SPTBN4: variants seen among roughly 807,000 people sequenced by gnomAD.
The protein encoded by SPTBN4 is spectrin beta, non-erythrocytic 4, also known as spectrin beta chain, non-erythrocytic 4.
Under a neutral mutation model 277.8 loss-of-function variants are expected in SPTBN4, and 96 were observed. The ratio of observed to expected loss-of-function variants is 0.35; its 90% CI spans 0.29 to 0.41. SPTBN4 has a LOEUF of 0.41. Ranked by LOEUF, SPTBN4 falls within the 10% of genes least tolerant of loss-of-function variation. SPTBN4 has a pLI of 1.00. For synonymous variants in SPTBN4, 1,481 were observed against 1,580.3 expected, an observed-to-expected ratio of 0.94 and a Z score of 1.49; for missense variants, 3,006 against 3,595.7, an observed-to-expected ratio of 0.84 and a Z score of 4.19.
chr19:40,513,492 G>A lies in SPTBN4; in HGVS notation c.2703G>A (p.Glu901=), dbSNP rs548582475. ...HACELWIGEK[E]QWLLSMRVPD... ...GTGAGCTGTGGATCGGCGAGAAGGA[G>A]CAATGGCTGCTCTCCATGCGTGTGC... Residue 901 remains glutamate, a synonymous_variant, in exon 14 of 36, where the codon GAG becomes GAA. Transcript: ENST00000598249. The A allele has an allele frequency of 1.9e-5, 31 of 1,600,360 alleles. No individual in the cohort carries two copies. In the South Asian group the frequency reaches 3.3e-4, roughly 17 times the overall value.
chr19:40,521,635 GC>G (rs923324041), intron 16 of SPTBN4, among the ~76,000 whole-genome samples: 3 of 152,050 alleles, frequency 2.0e-5, no homozygotes, highest in African/African-American at 7.2e-5. Flanking sequence ...ATGCTCACTC[GC>G]CCCCCCTCCA....
At chr19:40,525,218 T>A (rs2080576248) in intron 17 of SPTBN4, among the ~76,000 whole-genome samples, 1 of 152,142 alleles carries the variant, frequency 6.6e-6, no homozygotes. Flanking sequence ...CAAGGCAGCA[T>A]GCTTCTAAAG....
At chr19:40,525,319 ACT>A (rs1491459757) in intron 17 of SPTBN4, among the ~76,000 whole-genome samples, 1 of 113,012 alleles carries the variant, frequency 8.8e-6, no homozygotes, top group Non-Finnish European at 1.8e-5. Context: ...CCTTTGTTCC[ACT>A]TTTTTTTTTT....
intron 1 of SPTBN4, among the ~76,000 whole-genome samples, chr19:40,472,152 G>A (rs62106996): frequency 0.05 from 7,579 of 151,754 alleles, 226 homozygotes; most frequent in African/African-American, 0.066. Context: ...CAGGTGATCC[G>A]CCCGCCTCTG....
intron 1 of SPTBN4, among the ~76,000 whole-genome samples, chr19:40,471,680 T>C (rs8100100): frequency 0.17 from 26,367 of 152,018 alleles, 2,611 homozygotes; most frequent in African/African-American, 0.25. Context: ...TCAAGCCATC[T>C]TCCTGCCTCA....
At chr19:40,497,069 T>A (rs814535) in intron 6 of SPTBN4, among the ~76,000 whole-genome samples, 22,809 of 117,910 alleles carry the variant, frequency 0.19, 2,465 homozygotes, top group African/African-American at 0.34. Context: ...CGAGACTCCA[T>A]CTCAAAAAAA....
chr19:40,521,127 G>C (rs1231143809), intron 16 of SPTBN4, among the ~76,000 whole-genome samples: 2 of 152,076 alleles, frequency 1.3e-5, no homozygotes, highest in Non-Finnish European at 2.9e-5. Flanking sequence ...GTTTCACCAT[G>C]TTGGCCAGGA....
intron 24 of SPTBN4, 82 bp from the exon 25 acceptor site, chr19:40,556,002 C>T: frequency 7.9e-7 from 1 of 1,265,182 alleles, no homozygotes; most frequent in Non-Finnish European, 1.1e-6. Context: ...ACAGCCCTGT[C>T]CTGGGGAGGG....
rs2080453059 is a variant in SPTBN4 at position 40,515,981 on chromosome 19, ACG to A, written c.2903+534_2903+535del. 3.4e-5 allele frequency among the ~76,000 whole-genome samples: 5 copies of A among 149,160 alleles called. No individual in the cohort carries two copies. The highest frequency in any genetic ancestry group is 7.4e-5 in the Non-Finnish European group (5 of 67,486). ...TATATACGTATATATACACATATAT[ACG>A]TATATATACACATATATACGTATAT... On this transcript the variant is annotated intron_variant, in intron 15 of 35. Coordinates refer to ENST00000598249, the MANE Select transcript of SPTBN4 (RefSeq NM_020971.3). The surrounding 1 kb of genome is among the most constrained non-coding windows in gnomAD (Gnocchi z 4.1).
At chr19:40,468,772 C>T (rs370461380) in intron 1 of SPTBN4, among the ~76,000 whole-genome samples, 2 of 152,260 alleles carry the variant, frequency 1.3e-5, no homozygotes, top group African/African-American at 4.8e-5. Flanking sequence ...TGTGTGCTCA[C>T]TTTCACTTTT....
At chr19:40,535,811 CCTGTAATCCTAGCTACTCAGGAGG>C (rs2080728954) in intron 20 of SPTBN4, among the ~76,000 whole-genome samples, 1 of 151,950 alleles carries the variant, frequency 6.6e-6, no homozygotes. Flanking sequence ...GTGGTGCACG[CCTGTAATCCTAGCTACTCAGGAGG>C]CTGTAATCCC....
At chr19:40,486,669 G>A (rs950368591) in intron 2 of SPTBN4, among the ~76,000 whole-genome samples, 1 of 151,806 alleles carries the variant, frequency 6.6e-6, no homozygotes, top group African/African-American at 2.4e-5. Context: ...CACCATGCCT[G>A]GCCTATGGTG....
Position 40,570,865 on chromosome 19 carries a change from T to TG in SPTBN4, c.7319+143dup, listed in dbSNP as rs368056102. On this transcript the variant is annotated intron_variant, in intron 33 of 35. Coordinates refer to ENST00000598249, the MANE Select transcript of SPTBN4 (RefSeq NM_020971.3). ...TGGCGGTAGTAGGTGGGGCCAGAGCTGGGGGGTGGTGGTGGCTTAAATCAA... is the reference window on the plus strand; with the variant it reads ...TGGCGGTAGTAGGTGGGGCCAGAGCTGGGGGGGTGGTGGTGGCTTAAATCAA... 4.3e-3 allele frequency: 2,800 copies of TG among 647,672 alleles called. 57 individuals are homozygous for TG. The African/African-American group carries it at 0.083, about 19-fold the overall frequency. The allele number at this position is 647,672 out of a possible 1,614,324, so 40.1% of individuals were successfully genotyped here.
At chr19:40,480,747 T>C (rs2080001690) in intron 2 of SPTBN4, among the ~76,000 whole-genome samples, 2 of 152,128 alleles carry the variant, frequency 1.3e-5, no homozygotes, top group South Asian at 4.1e-4. Context: ...TTTGGGTTGC[T>C]GCTAGTTTGG....
In SPTBN4 at chr19:40,554,442, G is replaced by A. The variant is rs572864236; in HGVS notation, c.4953+17G>A. ...AAGGGCAAGGTGCGCCCGAGCTGGG[G>A]GTGCGGAGGGCCTGGGGGCGCTGGA... On this transcript the variant is annotated intron_variant, in intron 23 of 35. Coordinates refer to ENST00000598249, the MANE Select transcript of SPTBN4 (RefSeq NM_020971.3). The surrounding 1 kb of genome is among the most constrained non-coding windows in gnomAD (Gnocchi z 5.7). The A allele has an allele frequency of 1.3e-6, 2 of 1,537,762 alleles. No individual in the cohort carries two copies. Among genetic ancestry groups the A allele is most frequent in the South Asian group, 2.4e-5 (2 of 82,124 alleles).
chr19:40,550,299 C>A lies in SPTBN4; in HGVS notation c.4646C>A (p.Ala1549Glu), dbSNP rs748090129. 4 of 1,611,084 alleles carry A rather than the reference C, an allele frequency of 2.5e-6. No individual in the cohort carries two copies. In the African/African-American group the frequency reaches 5.3e-5, roughly 22 times the overall value. ...MQTERGNGLQ[A>E]VQQHIKKNQG... ...ACAGAGCGAGGCAACGGTTTGCAGG[C>A]GGTCCAGCAGCACATCAAAAAGAAC... The change falls in exon 22 of 36, where the codon GCG becomes GAG. Residue 1549 changes from alanine (A) to glutamate (E), a missense_variant. By Grantham distance (107) the Ala-to-Glu change is moderately radical. Around this residue, in one of 5 missense-constraint regions of SPTBN4, gnomAD observed 1,759 missense variants for 2,061.5 expected, o/e 0.85. Coordinates refer to ENST00000598249, the MANE Select transcript of SPTBN4 (RefSeq NM_020971.3).
intron 35 of SPTBN4, among the ~76,000 whole-genome samples, chr19:40,574,835 C>T (rs2081186029): frequency 6.6e-6 from 1 of 151,852 alleles, no homozygotes; most frequent in African/African-American, 2.4e-5. Flanking sequence ...GCCAACGTGG[C>T]GAAACCCCAT....
intron 16 of SPTBN4, among the ~76,000 whole-genome samples, chr19:40,522,831 G>C (rs1707437475): frequency 6.6e-6 from 1 of 151,628 alleles, no homozygotes; most frequent in Admixed American, 6.6e-5. Context: ...CATGCTATGA[G>C]AAATAATACA....
At chr19:40,544,125 CTCT>C (rs2080830132) in intron 20 of SPTBN4, among the ~76,000 whole-genome samples, 1 of 99,070 alleles carries the variant, frequency 1.0e-5, no homozygotes, top group Non-Finnish European at 2.2e-5. Context: ...CTTCTTCTTC[CTCT>C]TTTTTTTTTT....
Sources: gnomAD v4.1 joint callset for allele counts (sites outside exome capture counted in the v4.1 genomes callset) on GRCh38, gnomAD v4.1.1 for gene constraint, gnomAD v4.1.1 regional missense constraint, Gnocchi (gnomAD v3.1) non-coding constraint, MANE v1.5 for transcripts, NCBI Gene and HGNC (gene_info 2026-07-23, HGNC 2026-07-21) for gene names.